The following AP3M1 variants were observed in gnomAD, a reference collection of about 807,000 sequenced individuals.
AP3M1 encodes the protein AP-3 complex subunit mu-1.
In AP3M1, 29 loss-of-function variants were observed where a neutral mutation model predicts 42.6. That is an observed-to-expected ratio of 0.68 (90% confidence interval 0.51 to 0.93). The LOEUF is 0.93. AP3M1 is among the 40% of genes least tolerant of loss of function. The probability of loss-of-function intolerance (pLI) is 0.00; values close to 1 mark genes in which losing one functional copy is unlikely to be tolerated. For synonymous variants in AP3M1, 178 were observed against 175.3 expected, an observed-to-expected ratio of 1.02 and a Z score of -0.12; for missense variants, 416 against 510.2, an observed-to-expected ratio of 0.82 and a Z score of 1.78.
rs1338048478 is a variant in AP3M1, at chr10:74,129,143, A to G, written c.768T>C (p.Asn256=). ...TGACACGGTATGATATGAGTCGGAA[A>G]TTTCCATCTGGAGGAATAAATGACA... ...RVLSFIPPDG[N]FRLISYRVSS... is the part of the protein sequence containing the mutation. Residue 256 remains asparagine (N), a synonymous_variant, in exon 6 of 9, where the codon AAT becomes AAC. Transcript: ENST00000355264. 6.2e-7 allele frequency: 1 copy of G among 1,614,136 alleles called. No homozygotes were observed. Among genetic ancestry groups the G allele is most frequent in the African/African-American group, 1.3e-5 (1 of 75,030 alleles).
intron 6 of AP3M1, among the ~76,000 whole-genome samples, chr10:74,127,929 C>T (rs769072079): frequency 8.6e-5 from 13 of 150,864 alleles, no homozygotes; most frequent in Non-Finnish European, 1.6e-4. Flanking sequence ...GGAATAACCC[C>T]GCCTCTACTA....
chr10:74,133,335 G>C (rs1039375947), intron 4 of AP3M1, among the ~76,000 whole-genome samples: 1 of 151,590 alleles, frequency 6.6e-6, no homozygotes, highest in Non-Finnish European at 1.5e-5. Context: ...CGGAGGTTGC[G>C]GTGAGCTGAG....
At chr10:74,133,156 A>G (rs1840830988) in intron 4 of AP3M1, among the ~76,000 whole-genome samples, 1 of 152,124 alleles carries the variant, frequency 6.6e-6, no homozygotes, top group African/African-American at 2.4e-5. Context: ...ACACTTTGGG[A>G]GGCCGAAACG....
At chr10:74,125,476 C>A (rs1220599491) in intron 7 of AP3M1, among the ~76,000 whole-genome samples, 2 of 152,182 alleles carry the variant, frequency 1.3e-5, no homozygotes, top group African/African-American at 2.4e-5. Context: ...CCTGTGTGGT[C>A]TCCAGGAGGA....
chr10:74,134,773 T>C (rs1840891967), intron 3 of AP3M1, among the ~76,000 whole-genome samples: 1 of 152,140 alleles, frequency 6.6e-6, no homozygotes, highest in Non-Finnish European at 1.5e-5. Flanking sequence ...AATATTTTGG[T>C]TAATTTATAT....
chr10:74,132,500 G>T (rs781615805), intron 4 of AP3M1, among the ~76,000 whole-genome samples: 4 of 151,988 alleles, frequency 2.6e-5, no homozygotes, highest in Admixed American at 6.6e-5. Context: ...AGACCAGCCT[G>T]GGCAACATGG....
chr10:74,122,097 A>T lies in AP3M1; in HGVS notation c.*1713T>A, dbSNP rs1840482646. 6.6e-6 allele frequency: 1 copy of T among 152,244 alleles called. No homozygotes were observed. The highest frequency in any genetic ancestry group is 1.5e-5 in the Non-Finnish European group (1 of 68,048). 9.4% of individuals were successfully genotyped at this position (152,244 alleles called of 1,614,324 possible). The stretch of plus-strand genomic sequence containing the variant: ...TAAAAAGCAATTGAACCGGGTAGCC[A>T]AACTTAGGCAAAAGGAATAAATATT... On this transcript the variant is annotated 3_prime_UTR_variant, in exon 9 of 9. Transcript: ENST00000355264.
intron 8 of AP3M1, 46 bp from the exon 9 acceptor site, chr10:74,123,956 C>A: frequency 6.6e-7 from 1 of 1,521,840 alleles, no homozygotes; most frequent in East Asian, 2.3e-5. Context: ...TCATCCCAAC[C>A]AATATAATGT....
In AP3M1 at chr10:74,123,545, A is replaced by G; in HGVS notation, c.*265T>C. On this transcript the variant is annotated 3_prime_UTR_variant, in exon 9 of 9. Transcript: ENST00000355264. ...TTTACTGTTACAATGTGCAGCCGCC[A>G]GATGGTATCCTCCTATGGAAAAAAA... 1 of 491,152 alleles carries G rather than the reference A, an allele frequency of 2.0e-6. No individual in the cohort carries two copies. Among genetic ancestry groups the G allele is most frequent in the Non-Finnish European group, 3.6e-6 (1 of 275,310 alleles). 30.4% of individuals were successfully genotyped at this position (491,152 alleles called of 1,614,324 possible).
intron 1 of AP3M1, among the ~76,000 whole-genome samples, chr10:74,146,351 A>G (rs2132002093): frequency 6.6e-6 from 1 of 152,346 alleles, no homozygotes; most frequent in Middle Eastern, 3.4e-3. Flanking sequence ...TTTTTAATTA[A>G]TCATGCAATC....
At chr10:74,137,325 A>C (rs1371636723) in intron 2 of AP3M1, among the ~76,000 whole-genome samples, 1 of 152,250 alleles carries the variant, frequency 6.6e-6, no homozygotes, top group Non-Finnish European at 1.5e-5. Context: ...TATTTTCTTG[A>C]TATTTCTAGG....
chr10:74,132,263 C>T (rs1591747249), intron 4 of AP3M1, among the ~76,000 whole-genome samples: 1 of 152,040 alleles, frequency 6.6e-6, no homozygotes, highest in Admixed American at 6.5e-5. Flanking sequence ...GTCTCAAACT[C>T]CTGACCTCAA....
rs150156107 is a variant in AP3M1 at position 74,148,456 on chromosome 10, C to T, written c.-4+2299G>A. ...CAAAGGGAGAGAGAAGTCCTCTTCT[C>T]TGTAAATACCATGTGCTACTCATGA... On this transcript the variant is annotated intron_variant, in intron 1 of 8. Coordinates refer to ENST00000355264, the MANE Select transcript of AP3M1 (RefSeq NM_012095.6). Among the ~76,000 whole-genome samples the T allele has an allele frequency of 7.8e-3, 1,181 of 152,282 alleles. 7 individuals carry two copies. Among genetic ancestry groups the T allele is most frequent in the Non-Finnish European group, 0.012 (814 of 68,024 alleles).
intron 4 of AP3M1, among the ~76,000 whole-genome samples, chr10:74,130,305 T>C (rs754280211): frequency 6.6e-6 from 1 of 152,158 alleles, no homozygotes; most frequent in Non-Finnish European, 1.5e-5. Context: ...TACATCTCTA[T>C]TAACAGGTCA....
intron 1 of AP3M1, among the ~76,000 whole-genome samples, chr10:74,142,271 C>A (rs1340205401): frequency 6.6e-6 from 1 of 152,076 alleles, no homozygotes; most frequent in Non-Finnish European, 1.5e-5. Context: ...AGTAATAGTA[C>A]TATAGTCTAA....
In AP3M1 at chr10:74,123,640, A is replaced by C; in HGVS notation, c.*170T>G. 3.3e-6 allele frequency: 2 copies of C among 606,400 alleles called. No individual in the cohort carries two copies. Among genetic ancestry groups the C allele is most frequent in the Non-Finnish European group, 5.9e-6 (2 of 339,998 alleles). The allele number at this position is 606,400 out of a possible 1,614,324, so 37.6% of individuals were successfully genotyped here. ...AGTCACTAAAAGGTTTCCTTAGCTT[A>C]AAGCTCCTTAAGAATCCTACATTGA... On this transcript the variant is annotated 3_prime_UTR_variant, in exon 9 of 9. Coordinates refer to ENST00000355264, the MANE Select transcript of AP3M1 (RefSeq NM_012095.6).
intron 7 of AP3M1, among the ~76,000 whole-genome samples, chr10:74,125,207 G>A (rs1840579999): frequency 1.3e-5 from 2 of 152,168 alleles, no homozygotes; most frequent in African/African-American, 2.4e-5. Context: ...TCGAACTCCT[G>A]ACCTCAGGTG....
At chr10:74,128,950 A>T in intron 6 of AP3M1, 158 bp downstream of exon 6, 1 of 731,544 alleles carries the variant, frequency 1.4e-6, no homozygotes, top group Non-Finnish European at 2.2e-6. Flanking sequence ...GGATTATTTT[A>T]GGTGCGTATT....
chr10:74,131,975 C>A (rs1049696731), intron 4 of AP3M1, among the ~76,000 whole-genome samples: 1 of 152,120 alleles, frequency 6.6e-6, no homozygotes, highest in Non-Finnish European at 1.5e-5. Flanking sequence ...TTCACTTAAC[C>A]CTTCTGGGCT....
Sources: gnomAD v4.1 joint callset for allele counts (sites outside exome capture counted in the v4.1 genomes callset) on GRCh38, gnomAD v4.1.1 for gene constraint, MANE v1.5 for transcripts, NCBI Gene and HGNC (gene_info 2026-07-23, HGNC 2026-07-21) for gene names.